CTTNBP2NL: variants seen among roughly 807,000 people sequenced by gnomAD.
The protein encoded by CTTNBP2NL is CTTNBP2 N-terminal like, also known as CTTNBP2 N-terminal-like protein.
Under a neutral mutation model 32.5 loss-of-function variants are expected in CTTNBP2NL, and 16 were observed. That is an observed-to-expected ratio of 0.49 (90% CI 0.33 to 0.75). The LOEUF is 0.75. Among genes scored for constraint, CTTNBP2NL ranks in the 30% least tolerant of loss-of-function variants. The probability of loss-of-function intolerance (pLI) is 0.02; values close to 1 mark genes in which losing one functional copy is unlikely to be tolerated. For synonymous variants in CTTNBP2NL, 298 were observed against 289.4 expected (o/e 1.03, Z -0.30); for missense variants, 645 against 756.0 (o/e 0.85, Z 1.72).
rs1301946431 is a variant in CTTNBP2NL at position 112,400,352 on chromosome 1, G to A, written c.-134+4080G>A. On this transcript the variant is annotated intron_variant, in intron 1 of 5. Transcript: ENST00000271277. ...AGCTGTGAGATAGAAATAACTTGGAGAGGTTTCTTTAAGGATTACACGAAT... is the reference window on the plus strand; with the variant it reads ...AGCTGTGAGATAGAAATAACTTGGAAAGGTTTCTTTAAGGATTACACGAAT... Among the ~76,000 whole-genome samples, 3 of 152,158 alleles carry A rather than the reference G, an allele frequency of 2.0e-5. No homozygotes were observed. The South Asian group carries it at 6.2e-4, about 32-fold the overall frequency.
intron 1 of CTTNBP2NL, among the ~76,000 whole-genome samples, chr1:112,401,303 T>G (rs1648491893): frequency 6.6e-6 from 1 of 152,114 alleles, no homozygotes; most frequent in Admixed American, 6.6e-5. Context: ...GGAGAGTGTG[T>G]ATCTGTCTTG....
At chr1:112,415,578 A>G (rs1649032427) in intron 2 of CTTNBP2NL, among the ~76,000 whole-genome samples, 1 of 96,162 alleles carries the variant, frequency 1.0e-5, no homozygotes, top group Non-Finnish European at 2.6e-5. Context: ...TTTTTTTGAG[A>G]CAGAGTCTCA....
intron 3 of CTTNBP2NL, among the ~76,000 whole-genome samples, chr1:112,431,071 A>G (rs1649557168): frequency 6.6e-6 from 1 of 152,194 alleles, no homozygotes; most frequent in Non-Finnish European, 1.5e-5. Flanking sequence ...TTGTAGTTTT[A>G]ATATTTTTCA....
At chr1:112,417,863 T>A (rs2101003623) in intron 3 of CTTNBP2NL, among the ~76,000 whole-genome samples, 1 of 151,892 alleles carries the variant, frequency 6.6e-6, no homozygotes, top group South Asian at 2.1e-4. Context: ...TTTGTTTTGG[T>A]TCTCCAATGT....
intron 3 of CTTNBP2NL, among the ~76,000 whole-genome samples, chr1:112,438,472 A>G (rs971359820): frequency 1.3e-5 from 2 of 152,160 alleles, no homozygotes; most frequent in South Asian, 2.1e-4. Context: ...TCTGTATTCT[A>G]TATTTCTATA....
chr1:112,428,789 C>T (rs1649476840), intron 3 of CTTNBP2NL, among the ~76,000 whole-genome samples: 1 of 152,038 alleles, frequency 6.6e-6, no homozygotes, highest in Non-Finnish European at 1.5e-5. Context: ...CTTCATTTTT[C>T]TTTAAATGCT....
Position 112,412,194 on chromosome 1 carries a change from C to T in CTTNBP2NL, c.-133C>T, listed in dbSNP as rs188092668. The T allele has an allele frequency of 5.3e-5, 8 of 152,310 alleles. No homozygotes were observed. The highest frequency in any genetic ancestry group is 1.9e-4 in the African/African-American group (8 of 41,552). 9.4% of individuals were successfully genotyped at this position (152,310 alleles called of 1,614,324 possible). A position where few individuals can be genotyped will look rare whatever the true frequency, so the allele number is the denominator to read the frequency against. ...CAATAAATTTCTCCTTATTTTGCAGCATTGGACACATTTCCACCATGCTAA... is the reference window on the plus strand; with the variant it reads ...CAATAAATTTCTCCTTATTTTGCAGTATTGGACACATTTCCACCATGCTAA... On this transcript the variant is annotated splice_region_variant and 5_prime_UTR_variant, in exon 2 of 6. Transcript: ENST00000271277.
chr1:112,451,369 T>G (rs1650213770), intron 4 of CTTNBP2NL, among the ~76,000 whole-genome samples: 1 of 147,490 alleles, frequency 6.8e-6, no homozygotes. Flanking sequence ...GTCACACTAT[T>G]TCTTGAATGT....
chr1:112,408,776 T>TG (rs1648764311), intron 1 of CTTNBP2NL, among the ~76,000 whole-genome samples: 1 of 152,014 alleles, frequency 6.6e-6, no homozygotes, highest in Non-Finnish European at 1.5e-5. Flanking sequence ...TCTTGGCTCT[T>TG]TGAGTTTTAA....
intron 1 of CTTNBP2NL, among the ~76,000 whole-genome samples, chr1:112,401,518 A>C (rs1557882816): frequency 6.6e-6 from 1 of 152,206 alleles, no homozygotes; most frequent in Non-Finnish European, 1.5e-5. Flanking sequence ...TACCGTGCAG[A>C]GTTATACCTT....
chr1:112,443,898 T>A (rs1460431210), intron 3 of CTTNBP2NL, among the ~76,000 whole-genome samples: 1 of 152,202 alleles, frequency 6.6e-6, no homozygotes, highest in Admixed American at 6.5e-5. Context: ...AAACTACTTA[T>A]AGTTTATCTA....
At chr1:112,423,904 G>C (rs940458623) in intron 3 of CTTNBP2NL, among the ~76,000 whole-genome samples, 1 of 152,016 alleles carries the variant, frequency 6.6e-6, no homozygotes, top group African/African-American at 2.4e-5. Context: ...TTTGTGTCTA[G>C]TAGAGACAGG....
intron 1 of CTTNBP2NL, among the ~76,000 whole-genome samples, chr1:112,404,476 T>G (rs1307024434): frequency 1.3e-5 from 2 of 152,200 alleles, no homozygotes; most frequent in East Asian, 3.8e-4. Context: ...GTGTGGAATC[T>G]TAGTGGAATC....
At chr1:112,421,462 G>A (rs1265157646) in intron 3 of CTTNBP2NL, among the ~76,000 whole-genome samples, 3 of 151,158 alleles carry the variant, frequency 2.0e-5, no homozygotes, top group East Asian at 2.0e-4. Context: ...CACCACGCCC[G>A]GCTAGTTTTT....
upstream of CTTNBP2NL, among the ~76,000 whole-genome samples, chr1:112,391,454 T>TCC (rs1222916159): frequency 2.6e-5 from 4 of 152,178 alleles, no homozygotes; most frequent in East Asian, 7.7e-4. Context: ...CCTTATGGAG[T>TCC]CCCAGATGTT....
intron 3 of CTTNBP2NL, among the ~76,000 whole-genome samples, chr1:112,438,999 C>G (rs1291770748): frequency 6.6e-6 from 1 of 152,104 alleles, no homozygotes. Context: ...TGGTTGAAAC[C>G]GAATAACTAG....
chr1:112,417,653 G>A (rs1649104700), intron 3 of CTTNBP2NL, among the ~76,000 whole-genome samples: 1 of 152,152 alleles, frequency 6.6e-6, no homozygotes, highest in Non-Finnish European at 1.5e-5. Context: ...AAATTATTCT[G>A]AGGCTTAACT....
chr1:112,443,050 T>C lies in CTTNBP2NL; in HGVS notation c.100-5892T>C, dbSNP rs138539212. ...CTGGGGGCTAGAAGTGCCACACTTA[T>C]ACCTATTTATACTAAACTATTTTTA... On this transcript the variant is annotated intron_variant, in intron 3 of 5. Coordinates refer to ENST00000271277, the MANE Select transcript of CTTNBP2NL (RefSeq NM_018704.3). Among the ~76,000 whole-genome samples the C allele has an allele frequency of 6.2e-3, 948 of 152,338 alleles. 9 individuals are homozygous for C. Among genetic ancestry groups the C allele is most frequent in the African/African-American group, 0.022 (905 of 41,570 alleles).
intron 3 of CTTNBP2NL, among the ~76,000 whole-genome samples, chr1:112,439,685 A>G (rs1012462998): frequency 2.6e-5 from 4 of 152,170 alleles, no homozygotes; most frequent in South Asian, 2.1e-4. Flanking sequence ...ACACACAGCT[A>G]TAGTCTGTAG....
Sources: allele counts gnomAD v4.1 joint callset (sites outside exome capture counted in the v4.1 genomes callset), GRCh38; gene constraint gnomAD v4.1.1; transcripts MANE v1.5; gene names NCBI Gene and HGNC (gene_info 2026-07-23, HGNC 2026-07-21).